ASIC2: variants seen among roughly 807,000 people sequenced by gnomAD.
ASIC2 encodes the protein acid-sensing ion channel 2.
A neutral mutation model predicts 57.3 loss-of-function variants in ASIC2; 25 were observed. That is an observed-to-expected ratio of 0.44 (90% confidence interval 0.32 to 0.61). ASIC2 has a LOEUF of 0.61. Among genes scored for constraint, ASIC2 ranks in the 20% least tolerant of loss-of-function variants. The pLI, the probability that ASIC2 is intolerant of heterozygous loss-of-function variation, is 0.06. For synonymous variants in ASIC2, 319 were observed against 307.5 expected (o/e 1.04, Z -0.39); for missense variants, 641 against 738.1 (o/e 0.87, Z 1.52).
intron 1 of ASIC2, among the ~76,000 whole-genome samples, chr17:34,138,082 C>G (rs1912172910): frequency 6.6e-6 from 1 of 152,152 alleles, no homozygotes; most frequent in African/African-American, 2.4e-5. Context: ...ACGAAACTAA[C>G]TCCTCCGAGC....
chr17:34,128,059 G>T (rs887251675), intron 1 of ASIC2, among the ~76,000 whole-genome samples: 1 of 152,104 alleles, frequency 6.6e-6, no homozygotes, highest in Non-Finnish European at 1.5e-5. Context: ...CACATCCCAC[G>T]GGTGCCTAAC....
chr17:33,299,271 C>G (rs549823639), intron 1 of ASIC2, among the ~76,000 whole-genome samples: 1 of 152,218 alleles, frequency 6.6e-6, no homozygotes, highest in Non-Finnish European at 1.5e-5. Context: ...ACAGAGCCAT[C>G]TGATACCTTT....
chr17:33,494,628 C>T (rs1913869486), intron 1 of ASIC2, among the ~76,000 whole-genome samples: 1 of 152,054 alleles, frequency 6.6e-6, no homozygotes, highest in Non-Finnish European at 1.5e-5. Flanking sequence ...CTGCAGCACA[C>T]ATTGTGGGGT....
At chr17:33,686,999 C>T (rs1006179446) in intron 1 of ASIC2, among the ~76,000 whole-genome samples, 1 of 152,174 alleles carries the variant, frequency 6.6e-6, no homozygotes, top group South Asian at 2.1e-4. Flanking sequence ...CCTATGCGGG[C>T]TTTGGGGTTA....
chr17:34,003,529 T>C (rs1906416437), intron 1 of ASIC2: 1 of 152,182 alleles, frequency 6.6e-6, no homozygotes, highest in African/African-American at 2.4e-5. Flanking sequence ...TTCATCACCA[T>C]CATTAACACC....
At chr17:34,003,548 CATT>C (rs1240224087) in intron 1 of ASIC2, 5 of 152,114 alleles carry the variant, frequency 3.3e-5, no homozygotes, top group South Asian at 2.1e-4. Flanking sequence ...CCATTATCAT[CATT>C]ATCATTGTCA....
chr17:33,016,494 A>G (rs1337113512), intron 8 of ASIC2, among the ~76,000 whole-genome samples: 2 of 152,174 alleles, frequency 1.3e-5, no homozygotes, highest in African/African-American at 4.8e-5. Flanking sequence ...TACTCCTAGC[A>G]ATAGAGGGTA....
intron 1 of ASIC2, among the ~76,000 whole-genome samples, chr17:33,368,300 A>G (rs1484205107): frequency 6.6e-6 from 1 of 152,212 alleles, no homozygotes; most frequent in East Asian, 1.9e-4. Context: ...GAGAGGTGGG[A>G]TAGAGAGGCC....
At chr17:33,961,681 A>G (rs1196721607) in intron 1 of ASIC2, among the ~76,000 whole-genome samples, 4 of 152,186 alleles carry the variant, frequency 2.6e-5, no homozygotes, top group East Asian at 1.9e-4. Context: ...CAGACCAAGG[A>G]AGAATTTCAA....
chr17:33,662,977 G>T (rs776408348), intron 1 of ASIC2, among the ~76,000 whole-genome samples: 1 of 152,164 alleles, frequency 6.6e-6, no homozygotes, highest in Non-Finnish European at 1.5e-5. Context: ...GGGAAGACCT[G>T]CCAATTGTGG....
intron 1 of ASIC2, among the ~76,000 whole-genome samples, chr17:33,628,304 T>G (rs9904449): frequency 0.027 from 4,112 of 152,086 alleles, 140 homozygotes; most frequent in African/African-American, 0.086. Context: ...TTTTTTTTTT[T>G]TTGTTGAGAC....
intron 1 of ASIC2, among the ~76,000 whole-genome samples, chr17:33,893,664 G>A (rs1036648524): frequency 6.6e-6 from 1 of 152,134 alleles, no homozygotes; most frequent in Non-Finnish European, 1.5e-5. Context: ...TGGTCTCAAA[G>A]GTCCATTCTG....
At chr17:33,404,944 A>G (rs1346036511) in intron 1 of ASIC2, among the ~76,000 whole-genome samples, 2 of 152,132 alleles carry the variant, frequency 1.3e-5, no homozygotes, top group Admixed American at 6.5e-5. Context: ...TGTCCTAAAA[A>G]ACTTGAATGA....
At chr17:33,876,150 C>T (rs921968103) in intron 1 of ASIC2, among the ~76,000 whole-genome samples, 2 of 152,160 alleles carry the variant, frequency 1.3e-5, no homozygotes, top group East Asian at 1.9e-4. Flanking sequence ...CTTTGTACCT[C>T]TGCATTTTCA....
intron 1 of ASIC2, among the ~76,000 whole-genome samples, chr17:33,782,858 GC>G (rs1265830414): frequency 6.6e-6 from 1 of 152,136 alleles, no homozygotes; most frequent in Non-Finnish European, 1.5e-5. Context: ...GCTCCGGCCA[GC>G]CCCCCTGACC....
At chr17:33,368,534 G>A (rs1215569604) in intron 1 of ASIC2, among the ~76,000 whole-genome samples, 3 of 152,194 alleles carry the variant, frequency 2.0e-5, no homozygotes, top group Non-Finnish European at 4.4e-5. Flanking sequence ...TACACCACTG[G>A]ATTTTGGGGA....
At chr17:33,906,918 G>A (rs1288285962) in intron 1 of ASIC2, among the ~76,000 whole-genome samples, 1 of 152,138 alleles carries the variant, frequency 6.6e-6, no homozygotes, top group Non-Finnish European at 1.5e-5. Context: ...GCCTAAGCTG[G>A]GACATCACTG....
In ASIC2 at chr17:33,929,952, T is replaced by C. The variant is rs570673185; in HGVS notation, c.555+226026A>G. On this transcript the variant is annotated intron_variant, in intron 1 of 9. Transcript: ENST00000359872. Reference sequence around the variant, plus strand: ...ACAAGCTACTTCTTGGTCTCCACTTTGCTAACTGGTGGTGGGCGTCATGGC... The same window carrying C: ...ACAAGCTACTTCTTGGTCTCCACTTCGCTAACTGGTGGTGGGCGTCATGGC... Among the ~76,000 whole-genome samples, 52 of 152,362 alleles carry C rather than the reference T, an allele frequency of 3.4e-4. 1 individual carries two copies. The South Asian group carries it at 8.9e-3, about 26-fold the overall frequency.
At chr17:33,630,184 T>C (rs1243943421) in intron 1 of ASIC2, among the ~76,000 whole-genome samples, 1 of 152,218 alleles carries the variant, frequency 6.6e-6, no homozygotes, top group Non-Finnish European at 1.5e-5. Context: ...GTAAGAACTT[T>C]GGGATCTCAT....
Sources: gnomAD v4.1 joint callset for allele counts (sites outside exome capture counted in the v4.1 genomes callset) on GRCh38, gnomAD v4.1.1 for gene constraint, MANE v1.5 for transcripts, NCBI Gene and HGNC (gene_info 2026-07-23, HGNC 2026-07-21) for gene names.